The following KCNQ1 variants were observed in gnomAD, a reference collection of about 807,000 sequenced individuals.
KCNQ1 encodes the protein potassium voltage-gated channel subfamily KQT member 1.
Under a neutral mutation model 72.4 loss-of-function variants are expected in KCNQ1, and 49 were observed. The observed-to-expected ratio is 0.68, with a 90% CI of 0.54 to 0.86. The LOEUF (loss-of-function observed/expected upper bound fraction) is 0.86. Ranked by LOEUF, KCNQ1 falls within the 40% of genes least tolerant of loss-of-function variation. The pLI is 0.00. For synonymous variants in KCNQ1, 450 were observed against 412.6 expected (o/e 1.09, Z -1.10); for missense variants, 790 against 945.1 (o/e 0.84, Z 2.15).
At position 2,545,228 on chromosome 11, in the gene KCNQ1, A is replaced by G. The variant is rs1020555887; in HGVS notation, c.477+17210A>G. On this transcript the variant is annotated intron_variant, in intron 2 of 15. Coordinates refer to ENST00000155840, the MANE Select transcript of KCNQ1 (RefSeq NM_000218.3). ...CTTTGCATCTAGGTTCATGAGGGATATTGTCTATATATTTTCTTGTAACGT... is the reference window on the plus strand; with the variant it reads ...CTTTGCATCTAGGTTCATGAGGGATGTTGTCTATATATTTTCTTGTAACGT... Among the ~76,000 whole-genome samples, 5 of 152,146 alleles carry G rather than the reference A, an allele frequency of 3.3e-5. 1 individual carries two copies. Among genetic ancestry groups the G allele is most frequent in the East Asian group, 3.8e-4 (2 of 5,198 alleles).
At chr11:2,776,579 T>C (rs1322907065) in intron 13 of KCNQ1, among the ~76,000 whole-genome samples, 5 of 152,202 alleles carry the variant, frequency 3.3e-5, no homozygotes, top group Non-Finnish European at 7.4e-5. Context: ...CTCCCGGGCC[T>C]GCACAGACTC....
In KCNQ1 at chr11:2,710,763, C is replaced by G. The variant is rs1850988872; in HGVS notation, c.1514+48682C>G. Among the ~76,000 whole-genome samples the G allele has an allele frequency of 6.6e-6, 1 of 152,064 alleles. No individual in the cohort carries two copies. Among genetic ancestry groups the G allele is most frequent in the African/African-American group, 2.4e-5 (1 of 41,388 alleles). On this transcript the variant is annotated intron_variant, in intron 11 of 15. Coordinates refer to ENST00000155840, the MANE Select transcript of KCNQ1 (RefSeq NM_000218.3). This position sits in a 1 kb window ranked among gnomAD's most constrained non-coding sequence, Gnocchi z 4.1. ...TTTCCTCAGTGAAGGATGTTGATAC[C>G]CTTGTCAAAAATCAGTTGACAGTAA...
In KCNQ1 at chr11:2,624,745, C is replaced by T. The variant is rs1193281304; in HGVS notation, c.1393+35891C>T. 1.3e-5 allele frequency: 5 copies of T among 398,322 alleles called. No homozygotes were observed. The highest frequency in any genetic ancestry group is 4.4e-5 in the Admixed American group (1 of 22,694). 24.7% of individuals were successfully genotyped at this position (398,322 alleles called of 1,614,324 possible). A position where few individuals can be genotyped will look rare whatever the true frequency, so the allele number is the denominator to read the frequency against. ...CCATTAAACAATAATTCCCCAACCC[C>T]CCCACCACCGCCATCTCTTGGAAAC... On this transcript the variant is annotated intron_variant, in intron 10 of 15. Coordinates refer to ENST00000155840, the MANE Select transcript of KCNQ1 (RefSeq NM_000218.3). The surrounding 1 kb of genome is among the most constrained non-coding windows in gnomAD (Gnocchi z 4.9).
At chr11:2,740,758 C>G (rs1846037659) in intron 11 of KCNQ1, among the ~76,000 whole-genome samples, 1 of 152,234 alleles carries the variant, frequency 6.6e-6, no homozygotes. Context: ...CCCTCCTTCA[C>G]CCTCAAAGGC....
intron 1 of KCNQ1, among the ~76,000 whole-genome samples, chr11:2,511,686 G>C (rs973038105): frequency 6.6e-6 from 1 of 152,216 alleles, no homozygotes; most frequent in Non-Finnish European, 1.5e-5. Flanking sequence ...TGCCAGGCCT[G>C]TTGCAAAATT....
At chr11:2,459,229 C>T (rs992783584) in intron 1 of KCNQ1, among the ~76,000 whole-genome samples, 1 of 152,214 alleles carries the variant, frequency 6.6e-6, no homozygotes, top group African/African-American at 2.4e-5. Context: ...CTCCTCTGGG[C>T]GCCCCGTGGC....
chr11:2,843,230 G>A (rs946786994), intron 15 of KCNQ1, among the ~76,000 whole-genome samples: 23 of 152,224 alleles, frequency 1.5e-4, no homozygotes, highest in African/African-American at 5.5e-4. Context: ...TCCATGCCCT[G>A]CCACGAACCG....
chr11:2,836,226 G>A (rs1401189883), intron 15 of KCNQ1, among the ~76,000 whole-genome samples: 4 of 152,166 alleles, frequency 2.6e-5, no homozygotes, highest in Non-Finnish European at 5.9e-5. Context: ...TGAGGGGATG[G>A]GTCTGGTAGA....
chr11:2,551,626 A>C (rs1485599000), intron 2 of KCNQ1, among the ~76,000 whole-genome samples: 1 of 152,188 alleles, frequency 6.6e-6, no homozygotes, highest in Non-Finnish European at 1.5e-5. Flanking sequence ...TGGGAGTGGG[A>C]TTGCGGGATC....
chr11:2,657,977 A>G lies in KCNQ1; in HGVS notation c.1394-3984A>G, dbSNP rs1377836852. ...CCACTCGTTTAAAGTGGTGTCGGCC[A>G]GGCTCCTCCACTGTAAGTGAATAGC... On this transcript the variant is annotated intron_variant, in intron 10 of 15. Coordinates refer to ENST00000155840, the MANE Select transcript of KCNQ1 (RefSeq NM_000218.3). This position sits in a 1 kb window ranked among gnomAD's most constrained non-coding sequence, Gnocchi z 4.8. 2.5e-6 allele frequency: 1 copy of G among 398,508 alleles called. No individual in the cohort carries two copies. Among genetic ancestry groups the G allele is most frequent in the African/African-American group, 2.1e-5 (1 of 48,638 alleles). The allele number at this position is 398,508 out of a possible 1,614,324, so 24.7% of individuals were successfully genotyped here.
intron 10 of KCNQ1, chr11:2,632,173 ACT>A (rs1262705346): frequency 2.8e-6 from 1 of 361,156 alleles, no homozygotes; most frequent in African/African-American, 2.7e-5. Context: ...ACAGACCAAG[ACT>A]CTGCCTCAAA....
chr11:2,768,777 A>C lies in KCNQ1; in HGVS notation c.1515-67A>C. 7 of 1,201,502 alleles carry C rather than the reference A, an allele frequency of 5.8e-6. No homozygotes were observed. Among genetic ancestry groups the C allele is most frequent in the Non-Finnish European group, 8.7e-6 (7 of 803,458 alleles). The allele number at this position is 1,201,502 out of a possible 1,614,324, so 74.4% of individuals were successfully genotyped here. A position where few individuals can be genotyped will look rare whatever the true frequency, so the allele number is the denominator to read the frequency against. ...AGTCTGCGTGCTCCTCAGGCAGTGC[A>C]GGGGCAGTGAGGGGATGACCAGCAC... On this transcript the variant is annotated intron_variant, in intron 11 of 15. Transcript: ENST00000155840. The surrounding 1 kb of genome is among the most constrained non-coding windows in gnomAD (Gnocchi z 6.7).
At position 2,579,669 on chromosome 11, in the gene KCNQ1, C is replaced by T. The variant is rs921317219; in HGVS notation, c.922-3766C>T. Among the ~76,000 whole-genome samples, 2 of 152,164 alleles carry T rather than the reference C, an allele frequency of 1.3e-5. No individual in the cohort carries two copies. Among genetic ancestry groups the T allele is most frequent in the African/African-American group, 2.4e-5 (1 of 41,436 alleles). ...AGGCGAAGGTGGGGTCCTGGAGCTG[C>T]GTCCTGCTGTATGTGTGCTCTCCAC... On this transcript the variant is annotated intron_variant, in intron 6 of 15. Transcript: ENST00000155840. This position sits in a 1 kb window ranked among gnomAD's most constrained non-coding sequence, Gnocchi z 6.0.
chr11:2,807,454 C>G (rs533761768), intron 15 of KCNQ1, among the ~76,000 whole-genome samples: 22 of 152,332 alleles, frequency 1.4e-4, no homozygotes, highest in South Asian at 1.0e-3. Context: ...CTCGCCCCCC[C>G]ACTCCGGGCC....
At position 2,673,220 on chromosome 11, in the gene KCNQ1, G is replaced by A. The variant is rs974838615; in HGVS notation, c.1514+11139G>A. 5.0e-6 allele frequency: 2 copies of A among 398,436 alleles called. No homozygotes were observed. Among genetic ancestry groups the A allele is most frequent in the African/African-American group, 4.1e-5 (2 of 48,480 alleles). The allele number at this position is 398,436 out of a possible 1,614,324, so 24.7% of individuals were successfully genotyped here. Reference sequence around the variant, plus strand: ...GCCGAACTGTGACTAGGCAAGCTGAGTCCCCTGTAGATTCTGGGGACTGGG... The same window carrying A: ...GCCGAACTGTGACTAGGCAAGCTGAATCCCCTGTAGATTCTGGGGACTGGG... On this transcript the variant is annotated intron_variant, in intron 11 of 15. Transcript: ENST00000155840. This position sits in a 1 kb window ranked among gnomAD's most constrained non-coding sequence, Gnocchi z 4.5.
At chr11:2,775,240 T>C (rs1177283980) in intron 12 of KCNQ1, among the ~76,000 whole-genome samples, 1 of 152,202 alleles carries the variant, frequency 6.6e-6, no homozygotes, top group Non-Finnish European at 1.5e-5. Context: ...TATCATGAGA[T>C]GCTTTGTTTT....
chr11:2,704,749 C>T lies in KCNQ1; in HGVS notation c.1514+42668C>T, dbSNP rs1005235018. 1.8e-4 allele frequency among the ~76,000 whole-genome samples: 27 copies of T among 152,058 alleles called. No individual in the cohort carries two copies. Among genetic ancestry groups the T allele is most frequent in the African/African-American group, 5.6e-4 (23 of 41,390 alleles). On this transcript the variant is annotated intron_variant, in intron 11 of 15. Coordinates refer to ENST00000155840, the MANE Select transcript of KCNQ1 (RefSeq NM_000218.3). The surrounding 1 kb of genome is among the most constrained non-coding windows in gnomAD (Gnocchi z 4.3). ...AAGTGCCAGGCTGGGCTCCCTCAGG[C>T]GGCAACTTTGTCTAGACTTCTGGCT...
In KCNQ1 at chr11:2,626,896, G is replaced by A. The variant is rs988724284; in HGVS notation, c.1394-35065G>A. On this transcript the variant is annotated intron_variant, in intron 10 of 15. Transcript: ENST00000155840. The surrounding 1 kb of genome is among the most constrained non-coding windows in gnomAD (Gnocchi z 4.0). ...GTTCATCATTTTCAAGAATGTTTTAGCTATTCAAGGTCCCTTGAGATTCCA... is the reference window on the plus strand; with the variant it reads ...GTTCATCATTTTCAAGAATGTTTTAACTATTCAAGGTCCCTTGAGATTCCA... The A allele has an allele frequency of 1.8e-5, 7 of 398,398 alleles. No individual in the cohort carries two copies. The highest frequency in any genetic ancestry group is 2.2e-5 in the Non-Finnish European group (5 of 226,046). The allele number at this position is 398,398 out of a possible 1,614,324, so 24.7% of individuals were successfully genotyped here. A position where few individuals can be genotyped will look rare whatever the true frequency, so the allele number is the denominator to read the frequency against.
chr11:2,694,648 C>A (rs1019061705), intron 11 of KCNQ1: 2 of 398,518 alleles, frequency 5.0e-6, no homozygotes, highest in Non-Finnish European at 4.4e-6. Context: ...AAATCTGTGA[C>A]ACACCCACCA....
Sources: allele counts gnomAD v4.1 joint callset (sites outside exome capture counted in the v4.1 genomes callset), GRCh38; gene constraint gnomAD v4.1.1; non-coding constraint Gnocchi (gnomAD v3.1); transcripts MANE v1.5; gene names NCBI Gene and HGNC (gene_info 2026-07-23, HGNC 2026-07-21).